Variants in PRLR observed in about 807,000 individuals in gnomAD.
The protein encoded by PRLR is prolactin receptor.
PRLR carries 13 observed loss-of-function variants against 40.2 expected under a neutral mutation model. The ratio of observed to expected loss-of-function variants is 0.32; its 90% confidence interval spans 0.21 to 0.51. The LOEUF is 0.51. Ranked by LOEUF, PRLR falls within the 20% of genes least tolerant of loss-of-function variation. PRLR has a pLI of 0.97. For synonymous variants in PRLR, 269 were observed against 278.7 expected (o/e 0.97, Z 0.35); for missense variants, 656 against 747.3 (o/e 0.88, Z 1.42).
intron 1 of PRLR, among the ~76,000 whole-genome samples, chr5:35,193,054 T>C (rs1474135881): frequency 6.6e-6 from 1 of 152,194 alleles, no homozygotes; most frequent in East Asian, 1.9e-4. Flanking sequence ...AGAGTCACCA[T>C]GGGGCCCTTC....
intron 9 of PRLR, among the ~76,000 whole-genome samples, chr5:35,066,799 T>C (rs1236904077): frequency 2.1e-5 from 3 of 144,952 alleles, no homozygotes; most frequent in African/African-American, 7.9e-5. Flanking sequence ...AGTCTCGCTC[T>C]GTTGCCCAGG....
At chr5:35,191,870 C>T (rs1005024169) in intron 1 of PRLR, among the ~76,000 whole-genome samples, 2 of 152,238 alleles carry the variant, frequency 1.3e-5, no homozygotes, top group African/African-American at 4.8e-5. Context: ...TTTCCAGTGA[C>T]CACCAGGCTT....
chr5:35,176,451 C>T (rs1343942415), intron 1 of PRLR, among the ~76,000 whole-genome samples: 1 of 152,088 alleles, frequency 6.6e-6, no homozygotes, highest in Non-Finnish European at 1.5e-5. Flanking sequence ...ACATAGGAGA[C>T]TCCATTTTGT....
intron 5 of PRLR, among the ~76,000 whole-genome samples, chr5:35,078,368 G>C (rs191524372): frequency 3.2e-4 from 48 of 151,812 alleles, no homozygotes; most frequent in Admixed American, 5.9e-4. Context: ...ATGATAAAGG[G>C]GATATCACCA....
intron 1 of PRLR, chr5:35,130,188 C>T (rs561612033): frequency 3.3e-5 from 5 of 152,284 alleles, no homozygotes; most frequent in African/African-American, 1.2e-4. Context: ...TTTTATGACC[C>T]CTCCCCATTG....
At chr5:35,194,888 CTAATG>C (rs1481904762) in intron 1 of PRLR, among the ~76,000 whole-genome samples, 1 of 152,096 alleles carries the variant, frequency 6.6e-6, no homozygotes, top group Non-Finnish European at 1.5e-5. Context: ...AAAGTAAACC[CTAATG>C]TAAACTCTGG....
At chr5:35,141,140 A>T (rs1353706760) in intron 1 of PRLR, among the ~76,000 whole-genome samples, 3 of 152,118 alleles carry the variant, frequency 2.0e-5, no homozygotes, top group Non-Finnish European at 4.4e-5. Flanking sequence ...AACAGGGATG[A>T]CTGAGAACAA....
At chr5:35,075,678 T>A (rs1770040452) in intron 5 of PRLR, among the ~76,000 whole-genome samples, 1 of 152,226 alleles carries the variant, frequency 6.6e-6, no homozygotes, top group Non-Finnish European at 1.5e-5. Context: ...CTGATAGCTC[T>A]GAAGAGAGTA....
chr5:35,078,590 C>T (rs1770275583), intron 5 of PRLR, among the ~76,000 whole-genome samples: 1 of 151,966 alleles, frequency 6.6e-6, no homozygotes, highest in East Asian at 1.9e-4. Flanking sequence ...AAAAAAAGTC[C>T]AGGACCAGAC....
At chr5:35,216,459 G>T (rs1213729436) in intron 1 of PRLR, among the ~76,000 whole-genome samples, 1 of 152,212 alleles carries the variant, frequency 6.6e-6, no homozygotes, top group Middle Eastern at 3.2e-3. Context: ...AGAGGTAAAA[G>T]AAATTCTTCC....
At chr5:35,080,334 C>G (rs1450875055) in intron 5 of PRLR, among the ~76,000 whole-genome samples, 1 of 151,942 alleles carries the variant, frequency 6.6e-6, no homozygotes, top group Non-Finnish European at 1.5e-5. Flanking sequence ...AACTTAAACA[C>G]GTTTACAAGA....
chr5:35,138,158 T>A (rs768127349), intron 1 of PRLR, among the ~76,000 whole-genome samples: 54 of 152,324 alleles, frequency 3.5e-4, no homozygotes, highest in African/African-American at 1.2e-3. Flanking sequence ...AAGGGCTGCA[T>A]AGCTAAGAGC....
intron 1 of PRLR, among the ~76,000 whole-genome samples, chr5:35,176,110 A>G (rs1285055581): frequency 1.3e-5 from 2 of 152,180 alleles, no homozygotes; most frequent in Non-Finnish European, 2.9e-5. Context: ...GAGTGATTTG[A>G]TAAAACTCAG....
At chr5:35,163,011 C>A (rs1005963927) in intron 1 of PRLR, among the ~76,000 whole-genome samples, 1 of 152,048 alleles carries the variant, frequency 6.6e-6, no homozygotes, top group African/African-American at 2.4e-5. Flanking sequence ...AAGGCGGTTC[C>A]CAGAAAACTC....
chr5:35,094,289 A>AGTGT (rs150455824), intron 2 of PRLR, among the ~76,000 whole-genome samples: 2 of 151,346 alleles, frequency 1.3e-5, no homozygotes, highest in African/African-American at 4.9e-5. Flanking sequence ...GCATTTCTTG[A>AGTGT]GTGTGTGTGT....
At chr5:35,156,958 G>A (rs1774527663) in intron 1 of PRLR, among the ~76,000 whole-genome samples, 1 of 151,988 alleles carries the variant, frequency 6.6e-6, no homozygotes, top group African/African-American at 2.4e-5. Flanking sequence ...ATTTCTCCCA[G>A]GATGTCTCGT....
At chr5:35,106,357 A>C (rs917690797) in intron 2 of PRLR, among the ~76,000 whole-genome samples, 2 of 152,248 alleles carry the variant, frequency 1.3e-5, no homozygotes, top group African/African-American at 2.4e-5. Context: ...TAATGACAGG[A>C]CCAAATTCAC....
intron 1 of PRLR, among the ~76,000 whole-genome samples, chr5:35,196,064 T>A (rs202133789): frequency 8.4e-4 from 4 of 4,774 alleles, no homozygotes; most frequent in African/African-American, 1.8e-3. Context: ...TAAAATAAAA[T>A]AAAATAAAAT....
chr5:35,106,318 C>T (rs1772247547), intron 2 of PRLR, among the ~76,000 whole-genome samples: 1 of 152,174 alleles, frequency 6.6e-6, no homozygotes, highest in African/African-American at 2.4e-5. Context: ...ACTGCATCAA[C>T]TAATAAGCAA....
Sources: allele counts gnomAD v4.1 joint callset (sites outside exome capture counted in the v4.1 genomes callset), GRCh38; gene constraint gnomAD v4.1.1; transcripts MANE v1.5; gene names NCBI Gene and HGNC (gene_info 2026-07-23, HGNC 2026-07-21).